Variants in CCDC120 observed in about 807,000 individuals in gnomAD.
CCDC120 encodes coiled-coil domain containing 120, also known as coiled-coil domain-containing protein 120.
In CCDC120, 16 loss-of-function variants were observed where a neutral mutation model predicts 37.6. The ratio of observed to expected loss-of-function variants is 0.43; its 90% CI spans 0.29 to 0.65. The LOEUF (loss-of-function observed/expected upper bound fraction) is 0.65, where lower values mean the gene tolerates loss of function less well. Among genes scored for constraint, CCDC120 ranks in the 30% least tolerant of loss-of-function variants. The probability of loss-of-function intolerance (pLI) is 0.18; values close to 1 mark genes in which losing one functional copy is unlikely to be tolerated. For synonymous variants in CCDC120, 309 were observed against 275.4 expected (o/e 1.12, Z -1.21); for missense variants, 650 against 657.4 (o/e 0.99, Z 0.12).
Position 49,067,016 on chromosome X carries a change from A to G in CCDC120, c.1062-160A>G. The G allele has an allele frequency of 1.1e-5, 5 of 474,754 alleles. No individual in the cohort carries two copies. The South Asian group carries it at 1.7e-4, about 16-fold the overall frequency. The allele number at this position is 474,754 out of a possible 1,213,427, so 39.1% of individuals were successfully genotyped here. On this transcript the variant is annotated intron_variant, in intron 9 of 10. Transcript: ENST00000603986. ...GGATAGAACCTCAGCTGCCCTTTAC[A>G]TGTCACTACCTGCCACCTTTATACA...
intron 9 of CCDC120, 115 bp from the exon 10 acceptor site, chrX:49,067,061 C>T: frequency 1.6e-6 from 1 of 642,441 alleles, no homozygotes; most frequent in Non-Finnish European, 2.4e-6. Flanking sequence ...CAACCTTGGG[C>T]CCATTTGGAG....
rs1259313894 is a variant in CCDC120, at chrX:49,068,789, C to T, written c.*131C>T. On this transcript the variant is annotated 3_prime_UTR_variant, in exon 11 of 11. Coordinates refer to ENST00000603986, the MANE Select transcript of CCDC120 (RefSeq NM_001163321.4). The stretch of plus-strand genomic sequence containing the variant: ...AGTGCGCCAACCTAATCTTCCAAGG[C>T]CCCTGGCTCCCCGTAGGCCCAGGAA... The T allele has an allele frequency of 3.2e-6, 2 of 615,683 alleles. No individual in the cohort carries two copies. The highest frequency in any genetic ancestry group is 4.7e-5 in the African/African-American group (2 of 42,301). 50.7% of individuals were successfully genotyped at this position (615,683 alleles called of 1,213,427 possible).
rs182072874 is a variant in CCDC120 at position 49,068,855 on chromosome X, G to C, written c.*197G>C. 1,416 of 329,480 alleles carry C rather than the reference G, an allele frequency of 4.3e-3. 5 individuals carry two copies. Among genetic ancestry groups the C allele is most frequent in the Non-Finnish European group, 5.7e-3 (1,161 of 202,497 alleles). The allele number at this position is 329,480 out of a possible 1,213,427, so 27.2% of individuals were successfully genotyped here. A position where few individuals can be genotyped will look rare whatever the true frequency, so the allele number is the denominator to read the frequency against. The stretch of plus-strand genomic sequence containing the variant: ...GCTTCTTCTCTCACACTGTGCTGGG[G>C]ACTGGGGGCCCTCAGCTAGCTTAAA... On this transcript the variant is annotated 3_prime_UTR_variant, in exon 11 of 11. Coordinates refer to ENST00000603986, the MANE Select transcript of CCDC120 (RefSeq NM_001163321.4).
chrX:49,064,116 T>G, intron 5 of CCDC120, 115 bp downstream of exon 5: 1 of 995,726 alleles, frequency 1.0e-6, no homozygotes, highest in Non-Finnish European at 1.3e-6. Context: ...GAGGCTAAGA[T>G]GAGAAGGAAA....
intron 4 of CCDC120, 167 bp downstream of exon 4, chrX:49,062,768 G>A: frequency 1.8e-6 from 1 of 565,115 alleles, no homozygotes; most frequent in East Asian, 3.7e-5. Flanking sequence ...GTGTTAGAAT[G>A]AATGAAATAG....
At position 49,064,391 on chromosome X, in the gene CCDC120, G is replaced by C; in HGVS notation, c.451G>C (p.Glu151Gln). 2 of 1,171,430 alleles carry C rather than the reference G, an allele frequency of 1.7e-6. No homozygotes were observed. Among genetic ancestry groups the C allele is most frequent in the Middle Eastern group, 3.3e-4 (1 of 3,065 alleles). ...PAEELALEAL[E>Q]REVSVQQQIA... Reference sequence around the variant, plus strand: ...ACAGGAGCTGGCTCTTGAGGCCCTGGAACGCGAGGTGTCAGTGCAACAGCA... The same window carrying C: ...ACAGGAGCTGGCTCTTGAGGCCCTGCAACGCGAGGTGTCAGTGCAACAGCA... Residue 151 changes from glutamate (E) to glutamine (Q), a missense_variant, in exon 6 of 11, where the codon GAA (glutamate) becomes CAA (glutamine). By Grantham distance (29) the Glu-to-Gln change is conservative. Transcript: ENST00000603986.
chrX:49,068,464 C>T lies in CCDC120; in HGVS notation c.1977-80C>T, dbSNP rs899899106. On this transcript the variant is annotated intron_variant, in intron 10 of 10. Transcript: ENST00000603986. ...CTCTTTAACGAGCCTCTTTTCCTTT[C>T]TTTTTCTGTGTCTTGTCTGTCTTTT... 31 of 1,044,210 alleles carry T rather than the reference C, an allele frequency of 3.0e-5. No individual in the cohort carries two copies. In the African/African-American group the frequency reaches 5.9e-4, roughly 20 times the overall value. The allele number at this position is 1,044,210 out of a possible 1,213,427, so 86.1% of individuals were successfully genotyped here.
chrX:49,065,200 G>A lies in CCDC120; in HGVS notation c.787+102G>A, dbSNP rs1210764191. 3.5e-6 allele frequency: 3 copies of A among 859,929 alleles called. No individual in the cohort carries two copies. In the East Asian group the frequency reaches 9.9e-5, roughly 28 times the overall value. The allele number at this position is 859,929 out of a possible 1,213,427, so 70.9% of individuals were successfully genotyped here. ...ATCCTGCATGATCAGCCCATCCTTT[G>A]ATGCCCAGCCCCTCCTGTGCTGCTT... On this transcript the variant is annotated intron_variant, in intron 7 of 10. Transcript: ENST00000603986.
chrX:49,065,247 C>G (rs2064939309), intron 7 of CCDC120, 149 bp downstream of exon 7: 2 of 712,159 alleles, frequency 2.8e-6, no homozygotes, highest in Non-Finnish European at 4.3e-6. Flanking sequence ...TAGCCATGCT[C>G]CATCTTCCTA....
chrX:49,055,651 G>A (rs146847975), upstream of CCDC120, among the ~76,000 whole-genome samples: 5 of 112,162 alleles, frequency 4.5e-5, no homozygotes, highest in East Asian at 1.4e-3. Flanking sequence ...CCTTGATTCT[G>A]AGGATGATGG....
Position 49,067,372 on chromosome X carries a change from G to A in CCDC120, c.1258G>A (p.Ala420Thr). The change falls in exon 10 of 11, where the codon GCC becomes ACC. Residue 420 changes from alanine (A) to threonine (T), a missense_variant. Around this residue, in one of 3 missense-constraint regions of CCDC120, gnomAD observed 576 missense variants for 565.3 expected, o/e 1.02. Coordinates refer to ENST00000603986, the MANE Select transcript of CCDC120 (RefSeq NM_001163321.4). The part of the protein sequence containing the change: ...GSPPAPLAPS[A>T]SGPPVCKSSE... Reference sequence around the variant, plus strand: ...CCCGCCTGCCCCTCTGGCTCCCTCTGCCTCTGGCCCCCCAGTCTGCAAGAG... The same window carrying A: ...CCCGCCTGCCCCTCTGGCTCCCTCTACCTCTGGCCCCCCAGTCTGCAAGAG... 1 of 1,199,055 alleles carries A rather than the reference G, an allele frequency of 8.3e-7. No individual in the cohort carries two copies. The highest frequency in any genetic ancestry group is 1.8e-5 in the South Asian group (1 of 55,644).
chrX:49,067,436 C>T lies in CCDC120; in HGVS notation c.1322C>T (p.Ala441Val), dbSNP rs1557081650. 1 of 1,193,133 alleles carries T rather than the reference C, an allele frequency of 8.4e-7. No homozygotes were observed. The highest frequency in any genetic ancestry group is 2.2e-5 in the Admixed American group (1 of 45,071). ...VLYERPQPTP[A>V]FSSRTAGPPD... Reference sequence around the variant, plus strand: ...TATGAGCGCCCCCAACCAACCCCTGCCTTCTCCTCCCGCACAGCAGGCCCC... The same window carrying T: ...TATGAGCGCCCCCAACCAACCCCTGTCTTCTCCTCCCGCACAGCAGGCCCC... The change falls in exon 10 of 11, where the codon GCC (alanine) becomes GTC (valine). Residue 441 changes from alanine to valine, a missense_variant. Ala to Val is a moderately conservative substitution (Grantham distance 64, BLOSUM62 0). Around this residue, in one of 3 missense-constraint regions of CCDC120, gnomAD observed 576 missense variants for 565.3 expected, o/e 1.02. Transcript: ENST00000603986.
At chrX:49,062,656 C>T in intron 4 of CCDC120, 55 bp downstream of exon 4, 1 of 1,152,950 alleles carries the variant, frequency 8.7e-7, no homozygotes, top group Non-Finnish European at 1.2e-6. Context: ...AGGTGAGGAG[C>T]TGGGGCCCCT....
At chrX:49,062,739 C>A in intron 4 of CCDC120, 138 bp downstream of exon 4, 1 of 654,368 alleles carries the variant, frequency 1.5e-6, no homozygotes, top group East Asian at 3.5e-5. Flanking sequence ...CTACTTTCTC[C>A]TCAAAGCTCA....
chrX:49,059,847 G>A (rs1163245908), intron 1 of CCDC120, among the ~76,000 whole-genome samples: 7 of 109,533 alleles, frequency 6.4e-5, no homozygotes, highest in Admixed American at 4.8e-4. Flanking sequence ...CCTGGGGTTG[G>A]TGTGGGGGTG....
chrX:49,067,339 G>A lies in CCDC120; in HGVS notation c.1225G>A (p.Ala409Thr). 2 of 1,205,453 alleles carry A rather than the reference G, an allele frequency of 1.7e-6. No individual in the cohort carries two copies. Among genetic ancestry groups the A allele is most frequent in the Admixed American group, 4.4e-5 (2 of 45,566 alleles). ...LLVDRAAGGG[A>T]GSPPAPLAPS... ...GGTGGACCGGGCCGCTGGTGGGGGAGCTGGCTCCCCGCCTGCCCCTCTGGC... is the reference window on the plus strand; with the variant it reads ...GGTGGACCGGGCCGCTGGTGGGGGAACTGGCTCCCCGCCTGCCCCTCTGGC... Residue 409 changes from alanine to threonine, a missense_variant, in exon 10 of 11, where the codon GCT becomes ACT. This residue lies in a region of CCDC120 where 576 missense variants were observed against 565.3 expected (regional missense o/e 1.02). Coordinates refer to ENST00000603986, the MANE Select transcript of CCDC120 (RefSeq NM_001163321.4).
At position 49,068,096 on chromosome X, in the gene CCDC120, G is replaced by C. The variant is rs2064982744; in HGVS notation, c.1976+6G>C. ...GCGCCCCCTGTCTCTGGCAGGTATGGGGGGTGCTTTTACTGATGGGTAGGG... is the reference window on the plus strand; with the variant it reads ...GCGCCCCCTGTCTCTGGCAGGTATGCGGGGTGCTTTTACTGATGGGTAGGG... On this transcript the variant is annotated splice_donor_region_variant and intron_variant, in intron 10 of 10. Coordinates refer to ENST00000603986, the MANE Select transcript of CCDC120 (RefSeq NM_001163321.4). 2 of 1,163,517 alleles carry C rather than the reference G, an allele frequency of 1.7e-6. No individual in the cohort carries two copies. The highest frequency in any genetic ancestry group is 3.5e-5 in the African/African-American group (2 of 56,366).
Position 49,062,040 on chromosome X carries a change from C to T in CCDC120, c.-2C>T. 1.7e-6 allele frequency: 2 copies of T among 1,156,383 alleles called. No homozygotes were observed. The highest frequency in any genetic ancestry group is 2.3e-6 in the Non-Finnish European group (2 of 872,868). ...GCTCCCCACTTGCTGTGCTCTCACT[C>T]AATGCGAAGGGAACCAAGGTACCAG... On this transcript the variant is annotated 5_prime_UTR_variant, in exon 2 of 11. Coordinates refer to ENST00000603986, the MANE Select transcript of CCDC120 (RefSeq NM_001163321.4).
intron 6 of CCDC120, among the ~76,000 whole-genome samples, 161 bp downstream of exon 6, chrX:49,064,825 CTG>C (rs1480567842): frequency 2.7e-5 from 3 of 112,393 alleles, no homozygotes; most frequent in Non-Finnish European, 5.6e-5. Flanking sequence ...AAAGGACAAA[CTG>C]TGGGGGACTG....
Sources: gnomAD v4.1 joint callset for allele counts (sites outside exome capture counted in the v4.1 genomes callset) on GRCh38, gnomAD v4.1.1 for gene constraint, gnomAD v4.1.1 regional missense constraint, MANE v1.5 for transcripts, NCBI Gene and HGNC (gene_info 2026-07-23, HGNC 2026-07-21) for gene names.